OSBPL2: variants seen among roughly 807,000 people sequenced by gnomAD.
The protein encoded by OSBPL2 is oxysterol binding protein like 2.
Under a neutral mutation model 58.4 loss-of-function variants are expected in OSBPL2, and 18 were observed. That is an observed-to-expected ratio of 0.31 (90% CI 0.21 to 0.46). The LOEUF is 0.46. Ranked by LOEUF, OSBPL2 falls within the 20% of genes least tolerant of loss-of-function variation. OSBPL2 has a pLI of 1.00. For synonymous variants in OSBPL2, 221 were observed against 234.1 expected, an observed-to-expected ratio of 0.94 and a Z score of 0.51; for missense variants, 461 against 616.5, an observed-to-expected ratio of 0.75 and a Z score of 2.67.
intron 3 of OSBPL2, among the ~76,000 whole-genome samples, chr20:62,263,342 C>T (rs1388663021): frequency 6.6e-6 from 1 of 152,150 alleles, no homozygotes; most frequent in Non-Finnish European, 1.5e-5. Context: ...ACCCTGTCCT[C>T]CAGCTCTGAG....
intron 1 of OSBPL2, among the ~76,000 whole-genome samples, chr20:62,245,282 TG>T (rs1474919699): frequency 6.6e-6 from 1 of 152,102 alleles, no homozygotes; most frequent in Non-Finnish European, 1.5e-5. Context: ...TTAGTAGAGA[TG>T]GGGTTTTGCC....
At chr20:62,287,612 A>T (rs553943201) in intron 11 of OSBPL2, among the ~76,000 whole-genome samples, 4 of 152,206 alleles carry the variant, frequency 2.6e-5, no homozygotes, top group African/African-American at 9.6e-5. Context: ...GTGTGCCACC[A>T]TGCCAGACTA....
intron 1 of OSBPL2, among the ~76,000 whole-genome samples, chr20:62,248,757 C>T (rs1980325873): frequency 1.3e-5 from 2 of 152,044 alleles, no homozygotes. Context: ...GTGGAGCAAT[C>T]ATAGCTCACT....
chr20:62,273,288 C>T, intron 5 of OSBPL2, 21 bp from the exon 6 acceptor site: 2 of 1,594,526 alleles, frequency 1.3e-6, no homozygotes, highest in African/African-American at 1.3e-5. Flanking sequence ...TGTGCCTGTC[C>T]CCCCCGTGGA....
intron 10 of OSBPL2, chr20:62,284,371 T>C (rs945838454): frequency 3.6e-6 from 2 of 562,278 alleles, no homozygotes; most frequent in Non-Finnish European, 6.1e-6. Flanking sequence ...TGTATTTCTT[T>C]CCATTTTTTT....
intron 4 of OSBPL2, among the ~76,000 whole-genome samples, 182 bp from the exon 5 acceptor site, chr20:62,271,943 C>T (rs1319342801): frequency 6.6e-6 from 1 of 152,192 alleles, no homozygotes; most frequent in African/African-American, 2.4e-5. Context: ...GGTCTGATGG[C>T]AGCTGAGGCT....
intron 12 of OSBPL2, among the ~76,000 whole-genome samples, chr20:62,290,411 GTTTTTTTT>G (rs3065795): frequency 1.3e-5 from 1 of 76,376 alleles, no homozygotes; most frequent in African/African-American, 5.4e-5. Flanking sequence ...AATTTTTTGG[GTTTTTTTT>G]TTTTTTTTTT....
At chr20:62,256,876 C>T (rs895254291) in intron 2 of OSBPL2, among the ~76,000 whole-genome samples, 8 of 152,336 alleles carry the variant, frequency 5.3e-5, no homozygotes, top group South Asian at 2.1e-4. Context: ...CCTTTGAGCT[C>T]GTGTCTTGTC....
At chr20:62,274,103 G>T (rs1982238702) in intron 6 of OSBPL2, among the ~76,000 whole-genome samples, 1 of 152,194 alleles carries the variant, frequency 6.6e-6, no homozygotes, top group Non-Finnish European at 1.5e-5. Context: ...TGACCCCAGA[G>T]GTCCAGCCGG....
At position 62,294,733 on chromosome 20, in the gene OSBPL2, A is replaced by G. The variant is rs1983751391; in HGVS notation, c.*846A>G. 1 of 152,066 alleles carries G rather than the reference A, an allele frequency of 6.6e-6. No homozygotes were observed. Among genetic ancestry groups the G allele is most frequent in the South Asian group, 2.1e-4 (1 of 4,830 alleles). 9.4% of individuals were successfully genotyped at this position (152,066 alleles called of 1,614,324 possible). A position where few individuals can be genotyped will look rare whatever the true frequency, so the allele number is the denominator to read the frequency against. On this transcript the variant is annotated 3_prime_UTR_variant, in exon 14 of 14. Transcript: ENST00000313733. ...GTCTCCAGGGGGTTCCTTTCTTCTC[A>G]CACGTCGCGTGTACCCATAGCACTC...
At chr20:62,278,643 TTGTG>T (rs1273125760) in intron 6 of OSBPL2, 1 of 146,082 alleles carries the variant, frequency 6.8e-6, no homozygotes, top group Admixed American at 8.3e-5. Context: ...GATGTCATGT[TTGTG>T]TGTGTGTTGC....
intron 4 of OSBPL2, among the ~76,000 whole-genome samples, chr20:62,264,224 TG>T (rs1272167410): frequency 6.6e-6 from 1 of 152,184 alleles, no homozygotes; most frequent in Non-Finnish European, 1.5e-5. Flanking sequence ...TCCAGCCCTG[TG>T]GCCTGCGTGA....
chr20:62,288,215 C>T lies in OSBPL2; in HGVS notation c.1126-992C>T, dbSNP rs1171648092. ...CATGGGGCACCAGGAGTCATTTGAG[C>T]AGGGGGTGACGGGTGCTGTTGATGT... is the stretch of plus-strand genomic sequence containing the variant. On this transcript the variant is annotated intron_variant, in intron 11 of 13. Coordinates refer to ENST00000313733, the MANE Select transcript of OSBPL2 (RefSeq NM_144498.4). This position sits in a 1 kb window ranked among gnomAD's most constrained non-coding sequence, Gnocchi z 4.8. 6.6e-6 allele frequency among the ~76,000 whole-genome samples: 1 copy of T among 152,122 alleles called. No individual in the cohort carries two copies.
rs938840795 is a variant in OSBPL2, at chr20:62,261,493, A to G, written c.182+1368A>G. Reference sequence around the variant, plus strand: ...GCTCTCCTTCGAGCTGTAGGCCCACACGCCTGCTTGGTGGGTCCACTCTGG... The same window carrying G: ...GCTCTCCTTCGAGCTGTAGGCCCACGCGCCTGCTTGGTGGGTCCACTCTGG... On this transcript the variant is annotated intron_variant, in intron 3 of 13. Coordinates refer to ENST00000313733, the MANE Select transcript of OSBPL2 (RefSeq NM_144498.4). Among the ~76,000 whole-genome samples, 3 of 152,076 alleles carry G rather than the reference A, an allele frequency of 2.0e-5. No individual in the cohort carries two copies. The South Asian group carries it at 6.2e-4, about 32-fold the overall frequency.
At chr20:62,277,370 C>T (rs1010172329) in intron 6 of OSBPL2, among the ~76,000 whole-genome samples, 4 of 152,266 alleles carry the variant, frequency 2.6e-5, no homozygotes, top group African/African-American at 7.2e-5. Flanking sequence ...CGGGGCGTGC[C>T]GCCAGCACCC....
At chr20:62,242,404 T>C (rs1171637436) in intron 1 of OSBPL2, 7 of 152,272 alleles carry the variant, frequency 4.6e-5, no homozygotes, top group Admixed American at 3.9e-4. Context: ...ATGCAAATCC[T>C]GTGACCTCTG....
At chr20:62,282,436 C>G (rs1442658570) in intron 9 of OSBPL2, among the ~76,000 whole-genome samples, 7 of 152,148 alleles carry the variant, frequency 4.6e-5, no homozygotes, top group Non-Finnish European at 2.9e-5. Context: ...TAATCTGGGT[C>G]TCACATTTGT....
At chr20:62,247,069 TG>T (rs1181527300) in intron 1 of OSBPL2, among the ~76,000 whole-genome samples, 1 of 152,214 alleles carries the variant, frequency 6.6e-6, no homozygotes, top group Non-Finnish European at 1.5e-5. Context: ...ACAGTGGCTT[TG>T]GTTTGCTCCT....
chr20:62,248,446 G>A (rs1182038554), intron 1 of OSBPL2, among the ~76,000 whole-genome samples: 2 of 152,138 alleles, frequency 1.3e-5, no homozygotes, highest in East Asian at 1.9e-4. Flanking sequence ...ATGAGCCATC[G>A]TGTCTGGGCA....
Sources: allele counts gnomAD v4.1 joint callset (sites outside exome capture counted in the v4.1 genomes callset), GRCh38; gene constraint gnomAD v4.1.1; non-coding constraint Gnocchi (gnomAD v3.1); transcripts MANE v1.5; gene names NCBI Gene and HGNC (gene_info 2026-07-23, HGNC 2026-07-21).